The following UNC5D variants were observed in gnomAD, a reference collection of about 807,000 sequenced individuals.
UNC5D encodes the protein netrin receptor UNC5D.
Under a neutral mutation model 105.4 loss-of-function variants are expected in UNC5D, and 39 were observed. The observed-to-expected ratio is 0.37, with a 90% confidence interval of 0.29 to 0.48. The LOEUF is 0.48. Among genes scored for constraint, UNC5D ranks in the 20% least tolerant of loss-of-function variants. The pLI, the probability that UNC5D is intolerant of heterozygous loss-of-function variation, is 0.98. For synonymous variants in UNC5D, 452 were observed against 450.4 expected (o/e 1.00, Z -0.04); for missense variants, 991 against 1,202.4 (o/e 0.82, Z 2.60).
At chr8:35,590,984 C>G (rs1819131746) in intron 3 of UNC5D, among the ~76,000 whole-genome samples, 1 of 152,040 alleles carries the variant, frequency 6.6e-6, no homozygotes, top group Non-Finnish European at 1.5e-5. Flanking sequence ...AATATTTTTA[C>G]TTATATTATA....
At chr8:35,452,884 A>G in intron 1 of UNC5D, among the ~76,000 whole-genome samples, 1 of 152,204 alleles carries the variant, frequency 6.6e-6, no homozygotes, top group East Asian at 1.9e-4. Context: ...TAGTATTCTG[A>G]TCCAAGAGCT....
At chr8:35,493,737 A>C (rs780356935) in intron 1 of UNC5D, among the ~76,000 whole-genome samples, 3 of 152,084 alleles carry the variant, frequency 2.0e-5, no homozygotes, top group Non-Finnish European at 2.9e-5. Context: ...TTCTATATGA[A>C]GTTTGTTTTG....
chr8:35,245,659 C>T (rs1803045701), intron 1 of UNC5D, among the ~76,000 whole-genome samples: 1 of 152,096 alleles, frequency 6.6e-6, no homozygotes, highest in African/African-American at 2.4e-5. Context: ...TAAAGTTTAG[C>T]AGCTAACTTG....
chr8:35,287,631 CAA>C (rs1238592887), intron 1 of UNC5D, among the ~76,000 whole-genome samples: 1 of 132,474 alleles, frequency 7.5e-6, no homozygotes, highest in African/African-American at 2.8e-5. Context: ...CTGCCTCTAC[CAA>C]AAAAAAAAAA....
intron 1 of UNC5D, among the ~76,000 whole-genome samples, chr8:35,292,017 G>A (rs1807106155): frequency 6.6e-6 from 1 of 152,128 alleles, no homozygotes; most frequent in Non-Finnish European, 1.5e-5. Context: ...CCCCCATTTT[G>A]GCAAGCTAAT....
intron 2 of UNC5D, among the ~76,000 whole-genome samples, chr8:35,558,056 G>T (rs1816681997): frequency 6.6e-6 from 1 of 151,200 alleles, no homozygotes. Context: ...AACCTGGGAG[G>T]TGGAGGTTGC....
rs1817471674 is a variant in UNC5D at position 35,568,015 on chromosome 8, G to T, written c.323-83G>T. ...AAAAACAGGATTGTTTAATTAAAAAGAAAAGGTTTGGCTAACCTTAACTTT... is the reference window on the plus strand; with the variant it reads ...AAAAACAGGATTGTTTAATTAAAAATAAAAGGTTTGGCTAACCTTAACTTT... On this transcript the variant is annotated intron_variant, in intron 2 of 16. Coordinates refer to ENST00000404895, the MANE Select transcript of UNC5D (RefSeq NM_080872.4). 8 of 1,543,124 alleles carry T rather than the reference G, an allele frequency of 5.2e-6. No individual in the cohort carries two copies. In the South Asian group the frequency reaches 7.6e-5, roughly 15 times the overall value.
chr8:35,498,943 T>C (rs901655560), intron 1 of UNC5D, among the ~76,000 whole-genome samples: 1 of 152,222 alleles, frequency 6.6e-6, no homozygotes, highest in African/African-American at 2.4e-5. Flanking sequence ...TTTGAAACTT[T>C]TCTTGCTTGA....
chr8:35,529,150 T>C (rs1383829525), intron 1 of UNC5D, among the ~76,000 whole-genome samples: 1 of 141,348 alleles, frequency 7.1e-6, no homozygotes, highest in East Asian at 2.0e-4. Context: ...TGGTAATGCC[T>C]AGGTTTTCTT....
chr8:35,373,545 G>C (rs897254779), intron 1 of UNC5D, among the ~76,000 whole-genome samples: 2 of 152,282 alleles, frequency 1.3e-5, no homozygotes, highest in African/African-American at 4.8e-5. Context: ...GCTGGAGCTG[G>C]TGAAGGTTTA....
intron 1 of UNC5D, among the ~76,000 whole-genome samples, chr8:35,288,842 C>A (rs1806818181): frequency 1.3e-5 from 2 of 151,982 alleles, no homozygotes; most frequent in Admixed American, 1.3e-4. Context: ...AAGTAGAAAC[C>A]TATAGCAGTT....
intron 3 of UNC5D, among the ~76,000 whole-genome samples, chr8:35,590,622 A>T (rs1819107763): frequency 6.6e-6 from 1 of 152,174 alleles, no homozygotes; most frequent in African/African-American, 2.4e-5. Flanking sequence ...AGGCTTTAGG[A>T]TCTAGTAATA....
chr8:35,390,483 A>G (rs893924537), intron 1 of UNC5D, among the ~76,000 whole-genome samples: 4 of 132,930 alleles, frequency 3.0e-5, no homozygotes, highest in African/African-American at 9.8e-5. Flanking sequence ...ATTGGTTACA[A>G]TAGCAGAAAA....
intron 4 of UNC5D, among the ~76,000 whole-genome samples, chr8:35,620,476 C>T (rs946118535): frequency 6.6e-5 from 10 of 152,110 alleles, no homozygotes; most frequent in Admixed American, 2.6e-4. Flanking sequence ...ATCACCTCTG[C>T]GACTCATCAT....
chr8:35,590,668 C>T (rs552198347), intron 3 of UNC5D, among the ~76,000 whole-genome samples: 40 of 152,206 alleles, frequency 2.6e-4, no homozygotes, highest in African/African-American at 4.3e-4. Context: ...TGCTCTTAAA[C>T]GGACTTTACA....
At chr8:35,427,233 C>G (rs1452884558) in intron 1 of UNC5D, among the ~76,000 whole-genome samples, 1 of 152,130 alleles carries the variant, frequency 6.6e-6, no homozygotes, top group African/African-American at 2.4e-5. Flanking sequence ...GTATTCAAGG[C>G]CGGCTTTCAC....
In UNC5D at chr8:35,412,523, A is replaced by G. The variant is rs147091517; in HGVS notation, c.104-136769A>G. ...AAAGATCTGACTTCTATTCCTAAAT[A>G]CCACAGGTTCTTTATGACCTCAAGC... is the stretch of plus-strand genomic sequence containing the variant. On this transcript the variant is annotated intron_variant, in intron 1 of 16. Coordinates refer to ENST00000404895, the MANE Select transcript of UNC5D (RefSeq NM_080872.4). Among the ~76,000 whole-genome samples the G allele has an allele frequency of 1.8e-4, 27 of 151,936 alleles. 1 individual carries two copies. The East Asian group carries it at 5.3e-3, about 30-fold the overall frequency.
At chr8:35,741,159 A>G (rs1829739812) in intron 11 of UNC5D, among the ~76,000 whole-genome samples, 2 of 152,204 alleles carry the variant, frequency 1.3e-5, no homozygotes, top group Non-Finnish European at 2.9e-5. Flanking sequence ...CTGGTGATTT[A>G]CACATGATTT....
intron 1 of UNC5D, among the ~76,000 whole-genome samples, chr8:35,461,734 A>G (rs1808910697): frequency 1.3e-5 from 2 of 152,212 alleles, no homozygotes; most frequent in Admixed American, 6.5e-5. Flanking sequence ...CTGCTTCTCC[A>G]GGACAGGGCA....
Sources: allele counts gnomAD v4.1 joint callset (sites outside exome capture counted in the v4.1 genomes callset), GRCh38; gene constraint gnomAD v4.1.1; transcripts MANE v1.5; gene names NCBI Gene and HGNC (gene_info 2026-07-23, HGNC 2026-07-21).